Variants in SH2D3C observed in about 807,000 individuals in gnomAD.
SH2D3C encodes SH2 domain containing 3C, also known as SH2 domain-containing protein 3C.
In SH2D3C, 25 loss-of-function variants were observed where a neutral mutation model predicts 75.2. The ratio of observed to expected loss-of-function variants is 0.33; its 90% CI spans 0.24 to 0.46. SH2D3C has a LOEUF of 0.46. Ranked by LOEUF, SH2D3C falls within the 20% of genes least tolerant of loss-of-function variation. The probability of loss-of-function intolerance (pLI) is 1.00; values close to 1 mark genes in which losing one functional copy is unlikely to be tolerated. For missense variants in SH2D3C, 933 were observed against 1,165.3 expected, an observed-to-expected ratio of 0.80 and a Z score of 2.90; for synonymous variants, 450 against 473.7, an observed-to-expected ratio of 0.95 and a Z score of 0.65.
chr9:127,745,432 G>A (rs897371672), intron 6 of SH2D3C, among the ~76,000 whole-genome samples: 4 of 148,232 alleles, frequency 2.7e-5, no homozygotes, highest in African/African-American at 5.0e-5. Flanking sequence ...ATTGTTTCTC[G>A]ACGAATTAGC....
intron 2 of SH2D3C, 66 bp downstream of exon 2, chr9:127,773,917 CAAAAAAA>C (rs370913098): frequency 3.2e-5 from 24 of 752,224 alleles, no homozygotes; most frequent in South Asian, 1.1e-4. Flanking sequence ...CACTCTGTGT[CAAAAAAA>C]AAAAAAAGAA....
intron 2 of SH2D3C, among the ~76,000 whole-genome samples, chr9:127,769,653 T>C (rs1451023980): frequency 1.6e-5 from 2 of 123,000 alleles, no homozygotes; most frequent in South Asian, 2.5e-4. Flanking sequence ...CAAAACTCCA[T>C]CTCGAAAAAA....
Position 127,749,265 on chromosome 9 carries a change from A to G in SH2D3C, c.1085T>C (p.Met362Thr), listed in dbSNP as rs1190545898. The G allele has an allele frequency of 1.3e-6, 2 of 1,599,130 alleles. No individual in the cohort carries two copies. The highest frequency in any genetic ancestry group is 3.4e-5 in the Admixed American group (2 of 59,600). The change falls in exon 5 of 12, where the codon ATG becomes ACG. Residue 362 changes from methionine (M) to threonine (T), a missense_variant. Coordinates refer to ENST00000314830, the MANE Select transcript of SH2D3C (RefSeq NM_170600.3). This position sits in a 1 kb window ranked among gnomAD's most constrained non-coding sequence, Gnocchi z 5.9. The stretch of plus-strand genomic sequence containing the variant: ...CTTGTCAGCAGTGAGCCCATCGGTC[A>G]TGGTGACGCTGCGCCGCTTCATGTG... ...GSHMKRRSVT[M>T]TDGLTADKVT... is the part of the protein sequence containing the mutation.
Position 127,757,636 on chromosome 9 carries a change from G to GATTATTATTATTATT in SH2D3C, c.555+3974_555+3975insAATAATAATAATAAT, listed in dbSNP as rs59274690. Among the ~76,000 whole-genome samples, 17 of 88,270 alleles carry GATTATTATTATTATT rather than the reference G, an allele frequency of 1.9e-4. No homozygotes were observed. In the East Asian group the frequency reaches 2.7e-3, roughly 14 times the overall value. 57.9% of individuals were successfully genotyped at this position (88,270 alleles called of 152,430 possible). ...TGATGATGATGATGATGATGATGAT[G>GATTATTATTATTATT]ATGATGATGATTATTATTATTATTA... On this transcript the variant is annotated intron_variant, in intron 3 of 11. Coordinates refer to ENST00000314830, the MANE Select transcript of SH2D3C (RefSeq NM_170600.3).
At chr9:127,775,752 G>T (rs980889963) in intron 1 of SH2D3C, among the ~76,000 whole-genome samples, 2 of 152,162 alleles carry the variant, frequency 1.3e-5, no homozygotes, top group Non-Finnish European at 2.9e-5. Context: ...CAAGGTTGCC[G>T]TGCATTATGA....
rs1845146503 is a variant in SH2D3C at position 127,749,839 on chromosome 9, G to T, written c.685-174C>A. Among the ~76,000 whole-genome samples the T allele has an allele frequency of 6.6e-6, 1 of 152,108 alleles. No homozygotes were observed. Among genetic ancestry groups the T allele is most frequent in the African/African-American group, 2.4e-5 (1 of 41,408 alleles). On this transcript the variant is annotated intron_variant, in intron 4 of 11. Transcript: ENST00000314830. The surrounding 1 kb of genome is among the most constrained non-coding windows in gnomAD (Gnocchi z 5.9). ...TGAGAGCGGGGATGCAATGACCCAG[G>T]TTCACAGGGGGCACCTCAGCCAGAG... is the stretch of plus-strand genomic sequence containing the variant.
chr9:127,764,066 G>C (rs1647736647), intron 2 of SH2D3C, among the ~76,000 whole-genome samples: 1 of 152,188 alleles, frequency 6.6e-6, no homozygotes, highest in Non-Finnish European at 1.5e-5. Flanking sequence ...GCTGGGAACA[G>C]ATTGGCCAGG....
chr9:127,747,518 GTC>G (rs1845068994), intron 5 of SH2D3C, among the ~76,000 whole-genome samples: 1 of 151,918 alleles, frequency 6.6e-6, no homozygotes, highest in South Asian at 2.1e-4. Context: ...TTCTTTTTTT[GTC>G]TTTTTTCTTT....
At chr9:127,778,539 C>A (rs1170154402) in intron 1 of SH2D3C, 52 bp downstream of exon 1, 2 of 1,325,242 alleles carry the variant, frequency 1.5e-6, no homozygotes, top group Non-Finnish European at 2.2e-6. Context: ...CAGAGAGAGG[C>A]CCAGAGGAGA....
In SH2D3C at chr9:127,739,625, G is replaced by C. The variant is rs1844788130; in HGVS notation, c.2407+57C>G. 7 of 1,483,266 alleles carry C rather than the reference G, an allele frequency of 4.7e-6. No individual in the cohort carries two copies. The Admixed American group carries it at 1.3e-4, about 27-fold the overall frequency. The allele number at this position is 1,483,266 out of a possible 1,614,324, so 91.9% of individuals were successfully genotyped here. On this transcript the variant is annotated intron_variant, in intron 11 of 11. Transcript: ENST00000314830. The surrounding 1 kb of genome is among the most constrained non-coding windows in gnomAD (Gnocchi z 4.3). ...GCCTTGGAGAAAAGGGAAGCAGTGA[G>C]GCAGGTGGAGGGAGGCCCAGGCCTG...
chr9:127,771,258 CG>C (rs1435981383), intron 2 of SH2D3C: 3 of 1,541,208 alleles, frequency 1.9e-6, no homozygotes, highest in Admixed American at 2.0e-5. Flanking sequence ...GCCGGCAACC[CG>C]GGGACCTCCT....
At position 127,740,342 on chromosome 9, in the gene SH2D3C, T is replaced by C; in HGVS notation, c.2116A>G (p.Thr706Ala). ...CCCTCTGTGTGTCGCTGCCGCAGGG[T>C]CACCCATGTCTGCTCCAGCCGAGAA... ...QISRLEQTWV[T>A]LRQRHTEGAI... Residue 706 changes from threonine (T) to alanine (A), a missense_variant, in exon 10 of 12, where the codon ACC becomes GCC. By Grantham distance (58) the Thr-to-Ala change is moderately conservative. Transcript: ENST00000314830. 6.2e-7 allele frequency: 1 copy of C among 1,613,924 alleles called. No individual in the cohort carries two copies. The highest frequency in any genetic ancestry group is 8.5e-7 in the Non-Finnish European group (1 of 1,179,954).
At chr9:127,747,522 TTTTTC>T (rs1249309242) in intron 5 of SH2D3C, among the ~76,000 whole-genome samples, 1 of 151,908 alleles carries the variant, frequency 6.6e-6, no homozygotes, top group African/African-American at 2.4e-5. Context: ...TTTTTTGTCT[TTTTTC>T]TTTTCTTTTT....
At chr9:127,755,448 G>A (rs1037785972) in intron 3 of SH2D3C, 1 of 255,116 alleles carries the variant, frequency 3.9e-6, no homozygotes. Context: ...AGCTGCGGGC[G>A]CGGAGCGGAG....
At chr9:127,761,773 G>T in intron 2 of SH2D3C, 123 bp from the exon 3 acceptor site, 1 of 690,498 alleles carries the variant, frequency 1.4e-6, no homozygotes, top group Non-Finnish European at 2.4e-6. Flanking sequence ...CACCCTGAAG[G>T]CAGGAGGGGG....
intron 3 of SH2D3C, chr9:127,755,034 G>T (rs1173501337): frequency 4.1e-6 from 4 of 976,398 alleles, no homozygotes; most frequent in African/African-American, 1.7e-5. Context: ...AGCGGCCGGG[G>T]GTCCCAGCCC....
chr9:127,746,758 C>T (rs1350499410), intron 6 of SH2D3C, among the ~76,000 whole-genome samples: 2 of 152,222 alleles, frequency 1.3e-5, no homozygotes, highest in South Asian at 2.1e-4. Flanking sequence ...GCCAACATGA[C>T]GAAACACCGT....
chr9:127,741,659 C>A, intron 9 of SH2D3C, 129 bp downstream of exon 9: 1 of 1,153,754 alleles, frequency 8.7e-7, no homozygotes. Flanking sequence ...TCAGTTCTCC[C>A]GGGTAGTCTC....
intron 2 of SH2D3C, among the ~76,000 whole-genome samples, chr9:127,764,119 C>T (rs552769271): frequency 6.6e-6 from 1 of 152,336 alleles, no homozygotes; most frequent in African/African-American, 2.4e-5. Context: ...CCTGTACTTC[C>T]CCTCGGGCTC....
Sources: allele counts gnomAD v4.1 joint callset (sites outside exome capture counted in the v4.1 genomes callset), GRCh38; gene constraint gnomAD v4.1.1; non-coding constraint Gnocchi (gnomAD v3.1); transcripts MANE v1.5; gene names NCBI Gene and HGNC (gene_info 2026-07-23, HGNC 2026-07-21).